Variants in LRP1B observed in about 807,000 individuals in gnomAD.
LRP1B encodes the protein low-density lipoprotein receptor-related protein 1B.
A neutral mutation model predicts 556.6 loss-of-function variants in LRP1B; 217 were observed. The observed-to-expected ratio is 0.39, with a 90% CI of 0.35 to 0.44. The LOEUF is 0.44. Ranked by LOEUF, LRP1B falls within the 20% of genes least tolerant of loss-of-function variation. The pLI is 1.00. For synonymous variants in LRP1B, 2,047 were observed against 1,865.8 expected, an observed-to-expected ratio of 1.10 and a Z score of -2.50; for missense variants, 5,053 against 5,620.8, an observed-to-expected ratio of 0.90 and a Z score of 3.23.
intron 2 of LRP1B, among the ~76,000 whole-genome samples, chr2:141,645,142 T>C (rs751106236): frequency 3.9e-5 from 6 of 152,104 alleles, no homozygotes; most frequent in South Asian, 2.1e-4. Flanking sequence ...ATAAAGAAAG[T>C]GAGGTCTGCC....
intron 24 of LRP1B, 72 bp downstream of exon 24, chr2:140,886,066 G>T: frequency 1.1e-6 from 1 of 934,010 alleles, no homozygotes; most frequent in Non-Finnish European, 1.6e-6. Context: ...ATTTCTTCTA[G>T]TTATAACGTG....
intron 1 of LRP1B, among the ~76,000 whole-genome samples, chr2:141,923,177 A>T (rs1232463880): frequency 1.3e-5 from 2 of 151,898 alleles, no homozygotes; most frequent in African/African-American, 4.8e-5. Flanking sequence ...GTGGTTAAAA[A>T]ATTAGGCATG....
At chr2:141,599,949 G>A (rs1457610160) in intron 2 of LRP1B, among the ~76,000 whole-genome samples, 1 of 151,920 alleles carries the variant, frequency 6.6e-6, no homozygotes, top group African/African-American at 2.4e-5. Flanking sequence ...CTCACTCCCT[G>A]CCCGCTCCAC....
chr2:141,033,138 C>T (rs1313238242), intron 11 of LRP1B, among the ~76,000 whole-genome samples: 1 of 151,456 alleles, frequency 6.6e-6, no homozygotes, highest in Non-Finnish European at 1.5e-5. Context: ...TGGTAAAGGC[C>T]CTGAGGTGGC....
At position 140,760,868 on chromosome 2, in the gene LRP1B, GAC is replaced by G. The variant is rs541167146; in HGVS notation, c.5758+8343_5758+8344del. On this transcript the variant is annotated intron_variant, in intron 35 of 90. Transcript: ENST00000389484. ...CACACCATCGCATTCCAGCCTGGGC[GAC>G]ACAGTGAGACTCTGTCTCAAAAAAA... Among the ~76,000 whole-genome samples the G allele has an allele frequency of 3.9e-3, 592 of 151,944 alleles. 4 individuals are homozygous for G. Among genetic ancestry groups the G allele is most frequent in the African/African-American group, 0.012 (506 of 41,432 alleles).
At chr2:141,889,265 G>C (rs188703424) in intron 1 of LRP1B, among the ~76,000 whole-genome samples, 246 of 152,214 alleles carry the variant, frequency 1.6e-3, no homozygotes, top group African/African-American at 5.4e-3. Flanking sequence ...CCTCAGAGGA[G>C]ATAAATATTA....
At chr2:140,461,181 G>A (rs956150957) in intron 60 of LRP1B, among the ~76,000 whole-genome samples, 1 of 151,496 alleles carries the variant, frequency 6.6e-6, no homozygotes, top group Non-Finnish European at 1.5e-5. Flanking sequence ...CAATACTCTT[G>A]ATTATTCATT....
chr2:140,277,763 T>C (rs1025270207), intron 84 of LRP1B, among the ~76,000 whole-genome samples: 2 of 151,970 alleles, frequency 1.3e-5, no homozygotes, highest in African/African-American at 4.8e-5. Context: ...GTGGAAACTC[T>C]CATCTACTAC....
rs577212270 is a variant in LRP1B, at chr2:141,323,620, C to T, written c.344-68979G>A. ...AAACCTTGTCAAAATCCTTTTTTAT[C>T]ACTAAATTCACGGGTCATTTATGTA... On this transcript the variant is annotated intron_variant, in intron 3 of 90. Transcript: ENST00000389484. Among the ~76,000 whole-genome samples the T allele has an allele frequency of 4.7e-4, 71 of 152,078 alleles. 2 individuals carry two copies. The South Asian group carries it at 6.0e-3, about 13-fold the overall frequency.
chr2:140,251,818 A>G (rs1481630067), intron 86 of LRP1B, among the ~76,000 whole-genome samples: 3 of 151,746 alleles, frequency 2.0e-5, no homozygotes, highest in Non-Finnish European at 4.4e-5. Context: ...CAGGTTATGC[A>G]TCAGTTTATG....
intron 27 of LRP1B, among the ~76,000 whole-genome samples, chr2:140,861,808 T>A (rs971806812): frequency 3.3e-5 from 5 of 152,238 alleles, no homozygotes; most frequent in African/African-American, 1.2e-4. Context: ...TGAATGCATT[T>A]ATGTCTTTAT....
Position 140,799,451 on chromosome 2 carries a change from C to T in LRP1B, c.5359+14206G>A, listed in dbSNP as rs182634738. On this transcript the variant is annotated intron_variant, in intron 32 of 90. Transcript: ENST00000389484. ...TTTGGACTTTCCAGCCTCCAGAGCTCGAAAAAATACATTTCTGTTGTTTAA... is the reference window on the plus strand; with the variant it reads ...TTTGGACTTTCCAGCCTCCAGAGCTTGAAAAAATACATTTCTGTTGTTTAA... Among the ~76,000 whole-genome samples the T allele has an allele frequency of 2.6e-4, 40 of 152,132 alleles. No individual in the cohort carries two copies. In the South Asian group the frequency reaches 5.4e-3, roughly 20 times the overall value.
In LRP1B at chr2:140,666,505, C is replaced by T. The variant is rs1486873259; in HGVS notation, c.6799+33745G>A. Among the ~76,000 whole-genome samples the T allele has an allele frequency of 2.0e-5, 3 of 152,022 alleles. No homozygotes were observed. In the East Asian group the frequency reaches 5.8e-4, roughly 29 times the overall value. On this transcript the variant is annotated intron_variant, in intron 41 of 90. Transcript: ENST00000389484. The stretch of plus-strand genomic sequence containing the variant: ...CATACAAACATACAAGTGAGAATGT[C>T]ACTTGGCCCAGGATTAATGTTTCAT...
At position 140,426,193 on chromosome 2, in the gene LRP1B, AT is replaced by A. The variant is rs534604209; in HGVS notation, c.10414+16310del. Among the ~76,000 whole-genome samples, 3 of 152,238 alleles carry A rather than the reference AT, an allele frequency of 2.0e-5. No individual in the cohort carries two copies. In the South Asian group the frequency reaches 6.2e-4, roughly 32 times the overall value. On this transcript the variant is annotated intron_variant, in intron 66 of 90. Coordinates refer to ENST00000389484, the MANE Select transcript of LRP1B (RefSeq NM_018557.3). ...ATTCAACCTTGTGTGTAGTTCTTCA[AT>A]TTCTCATTTGTAATACCTGGCTTTG...
chr2:141,051,219 C>T (rs1024489553), intron 10 of LRP1B, among the ~76,000 whole-genome samples: 15 of 152,008 alleles, frequency 9.9e-5, no homozygotes, highest in African/African-American at 1.4e-4. Flanking sequence ...GACAGTGTGG[C>T]GATCCCTCAA....
At chr2:142,037,867 T>C (rs1331197501) in intron 1 of LRP1B, among the ~76,000 whole-genome samples, 1 of 151,552 alleles carries the variant, frequency 6.6e-6, no homozygotes, top group Non-Finnish European at 1.5e-5. Flanking sequence ...TGCAGGCTTG[T>C]AGCAGAAATG....
intron 32 of LRP1B, among the ~76,000 whole-genome samples, chr2:140,779,523 C>G (rs1408036216): frequency 1.3e-5 from 2 of 151,680 alleles, no homozygotes; most frequent in East Asian, 3.9e-4. Context: ...GGTGAAACCC[C>G]GTCTCTACTA....
At chr2:140,296,164 G>A (rs952596535) in intron 84 of LRP1B, among the ~76,000 whole-genome samples, 40 of 152,204 alleles carry the variant, frequency 2.6e-4, no homozygotes, top group East Asian at 1.2e-3. Context: ...ATGATGCCAC[G>A]AGTGGAAAAT....
At chr2:141,357,516 C>T (rs890873046) in intron 3 of LRP1B, among the ~76,000 whole-genome samples, 5 of 151,970 alleles carry the variant, frequency 3.3e-5, no homozygotes, top group Non-Finnish European at 2.9e-5. Context: ...CTGAATAAAC[C>T]CTGAAAACGC....
Sources: gnomAD v4.1 joint callset for allele counts (sites outside exome capture counted in the v4.1 genomes callset) on GRCh38, gnomAD v4.1.1 for gene constraint, MANE v1.5 for transcripts, NCBI Gene and HGNC (gene_info 2026-07-23, HGNC 2026-07-21) for gene names.